Variants in PTPRD observed in about 807,000 individuals in gnomAD.
PTPRD encodes the protein receptor-type tyrosine-protein phosphatase delta.
In PTPRD, 34 loss-of-function variants were observed where a neutral mutation model predicts 214.5. The ratio of observed to expected loss-of-function variants is 0.16; its 90% CI spans 0.12 to 0.21. PTPRD has a LOEUF of 0.21. PTPRD is among the 10% of genes least tolerant of loss of function. PTPRD has a pLI of 1.00. For synonymous variants in PTPRD, 1,128 were observed against 845.7 expected, an observed-to-expected ratio of 1.33 and a Z score of -5.79; for missense variants, 2,545 against 2,398.7, an observed-to-expected ratio of 1.06 and a Z score of -1.27.
chr9:10,606,423 C>T (rs1266594902), intron 2 of PTPRD, among the ~76,000 whole-genome samples: 1 of 151,756 alleles, frequency 6.6e-6, no homozygotes, highest in East Asian at 1.9e-4. Flanking sequence ...CCCAAGGATG[C>T]TAGCTTATGT....
chr9:8,499,226 G>T (rs1446636870), intron 25 of PTPRD, among the ~76,000 whole-genome samples: 1 of 152,048 alleles, frequency 6.6e-6, no homozygotes, highest in South Asian at 2.1e-4. Context: ...ATTCTTCAGT[G>T]GAAGAAGACA....
At chr9:8,768,910 A>C (rs1017303145) in intron 11 of PTPRD, among the ~76,000 whole-genome samples, 6 of 152,182 alleles carry the variant, frequency 3.9e-5, no homozygotes, top group Admixed American at 1.3e-4. Context: ...TGACTTACTA[A>C]GGGTAGTCTA....
At chr9:9,456,432 C>G (rs2093009992) in intron 8 of PTPRD, among the ~76,000 whole-genome samples, 1 of 151,780 alleles carries the variant, frequency 6.6e-6, no homozygotes, top group Admixed American at 6.6e-5. Flanking sequence ...TGGTAAATGA[C>G]AGAGAGAAAG....
At chr9:8,996,264 C>T (rs960288697) in intron 11 of PTPRD, among the ~76,000 whole-genome samples, 11 of 152,088 alleles carry the variant, frequency 7.2e-5, no homozygotes, top group Admixed American at 4.6e-4. Context: ...TACATCCATA[C>T]CTGGAATGCT....
chr9:10,071,240 G>A (rs2098007153), intron 3 of PTPRD, among the ~76,000 whole-genome samples: 2 of 151,950 alleles, frequency 1.3e-5, no homozygotes, highest in Admixed American at 6.6e-5. Context: ...ATCCAAGCAA[G>A]ATATTTTGTA....
chr9:9,813,030 G>C (rs1482410200), intron 5 of PTPRD, among the ~76,000 whole-genome samples: 1 of 151,968 alleles, frequency 6.6e-6, no homozygotes, highest in Non-Finnish European at 1.5e-5. Flanking sequence ...CAAATATGTG[G>C]AAAGTAAACA....
intron 18 of PTPRD, among the ~76,000 whole-genome samples, chr9:8,523,833 G>A (rs2097942421): frequency 6.6e-6 from 1 of 152,122 alleles, no homozygotes; most frequent in Admixed American, 6.5e-5. Flanking sequence ...AGAATTTAGA[G>A]AAGAAATGAC....
intron 2 of PTPRD, among the ~76,000 whole-genome samples, chr9:10,584,830 T>C (rs779793720): frequency 1.2e-4 from 19 of 152,184 alleles, no homozygotes; most frequent in Non-Finnish European, 2.5e-4. Context: ...ACTCCAGTTG[T>C]TCAATGCAAG....
intron 5 of PTPRD, among the ~76,000 whole-genome samples, chr9:9,793,197 CT>C (rs752329101): frequency 2.1e-4 from 32 of 152,152 alleles, no homozygotes; most frequent in Admixed American, 3.3e-4. Flanking sequence ...ACAAAAATTG[CT>C]ATTATCATAA....
At chr9:10,154,595 G>C (rs578074499) in intron 3 of PTPRD, among the ~76,000 whole-genome samples, 6 of 152,020 alleles carry the variant, frequency 3.9e-5, no homozygotes, top group African/African-American at 1.4e-4. Context: ...TATAATTTTG[G>C]GTTTTACATT....
intron 10 of PTPRD, among the ~76,000 whole-genome samples, chr9:9,063,462 T>C (rs74851827): frequency 0.013 from 2,051 of 152,308 alleles, 12 homozygotes; most frequent in South Asian, 0.023. Flanking sequence ...TCCCTTATCC[T>C]ATCAAAGCTT....
intron 7 of PTPRD, among the ~76,000 whole-genome samples, chr9:9,706,722 G>C (rs993658723): frequency 1.3e-5 from 2 of 152,068 alleles, no homozygotes; most frequent in Non-Finnish European, 2.9e-5. Context: ...TTGCAGGCAT[G>C]AGCCACCATG....
intron 5 of PTPRD, among the ~76,000 whole-genome samples, chr9:9,908,767 C>T (rs1048692146): frequency 6.6e-6 from 1 of 151,872 alleles, no homozygotes; most frequent in African/African-American, 2.4e-5. Context: ...CAAAATATAA[C>T]ATATTTATCT....
intron 2 of PTPRD, among the ~76,000 whole-genome samples, chr9:10,478,400 G>A (rs924625447): frequency 6.6e-5 from 10 of 152,032 alleles, no homozygotes; most frequent in Non-Finnish European, 1.5e-4. Context: ...CTTGATACCT[G>A]TACAAAGGAG....
chr9:9,491,863 C>T (rs1201051876), intron 8 of PTPRD, among the ~76,000 whole-genome samples: 5 of 151,584 alleles, frequency 3.3e-5, no homozygotes, highest in Admixed American at 2.0e-4. Context: ...CAAGCTACAC[C>T]CAAAGCTAGC....
intron 3 of PTPRD, among the ~76,000 whole-genome samples, chr9:10,258,688 G>C (rs1474657785): frequency 6.6e-6 from 1 of 152,144 alleles, no homozygotes; most frequent in Non-Finnish European, 1.5e-5. Context: ...TTTGTATGGA[G>C]TATACATATA....
chr9:10,434,264 C>A (rs562851325), intron 2 of PTPRD, among the ~76,000 whole-genome samples: 15 of 151,734 alleles, frequency 9.9e-5, no homozygotes, highest in Non-Finnish European at 2.1e-4. Flanking sequence ...AAGACCTATG[C>A]CTTATTTCAT....
At chr9:8,340,026 G>T (rs527559448) in intron 42 of PTPRD, among the ~76,000 whole-genome samples, 6 of 152,178 alleles carry the variant, frequency 3.9e-5, no homozygotes, top group Admixed American at 3.3e-4. Flanking sequence ...ACTCTAGCCT[G>T]TCCAGAACAA....
chr9:8,553,846 T>C (rs1163168715), intron 14 of PTPRD, among the ~76,000 whole-genome samples: 2 of 152,138 alleles, frequency 1.3e-5, no homozygotes, highest in Admixed American at 6.5e-5. Context: ...ACCTACAGTA[T>C]GGTACAAAAA....
Sources: gnomAD v4.1 joint callset for allele counts (sites outside exome capture counted in the v4.1 genomes callset) on GRCh38, gnomAD v4.1.1 for gene constraint, MANE v1.5 for transcripts, NCBI Gene and HGNC (gene_info 2026-07-23, HGNC 2026-07-21) for gene names.